Variants in FANCC observed in about 807,000 individuals in gnomAD.
FANCC encodes the protein Fanconi anemia group C protein.
In FANCC, 55 loss-of-function variants were observed where a neutral mutation model predicts 71.3. That is an observed-to-expected ratio of 0.77 (90% CI 0.62 to 0.97). The LOEUF is 0.97. Among genes scored for constraint, FANCC ranks in the 50% least tolerant of loss-of-function variants. The pLI, the probability that FANCC is intolerant of heterozygous loss-of-function variation, is 0.00. For synonymous variants in FANCC, 275 were observed against 244.9 expected, an observed-to-expected ratio of 1.12 and a Z score of -1.15; for missense variants, 678 against 670.9, an observed-to-expected ratio of 1.01 and a Z score of -0.12.
intron 1 of FANCC, among the ~76,000 whole-genome samples, chr9:95,296,806 C>T (rs574729977): frequency 6.6e-6 from 1 of 152,180 alleles, no homozygotes. Flanking sequence ...AGCGGGCTAG[C>T]TCTCATCTAC....
chr9:95,201,791 C>A (rs1284180206), intron 4 of FANCC, among the ~76,000 whole-genome samples: 1 of 152,152 alleles, frequency 6.6e-6, no homozygotes, highest in Non-Finnish European at 1.5e-5. Context: ...CTAAAACTAG[C>A]CAAGACACAG....
chr9:95,292,682 C>CA, intron 1 of FANCC: 1 of 1,328,260 alleles, frequency 7.5e-7, no homozygotes, highest in Non-Finnish European at 1.1e-6. Flanking sequence ...ATAGCACAGT[C>CA]AATCCAATAA....
At chr9:95,165,585 T>C (rs1831020473) in intron 6 of FANCC, among the ~76,000 whole-genome samples, 1 of 152,104 alleles carries the variant, frequency 6.6e-6, no homozygotes, top group Non-Finnish European at 1.5e-5. Flanking sequence ...CACATATTTG[T>C]GAATTTTCCA....
intron 6 of FANCC, among the ~76,000 whole-genome samples, chr9:95,168,504 T>A (rs1056657858): frequency 1.3e-5 from 2 of 152,232 alleles, no homozygotes; most frequent in African/African-American, 2.4e-5. Flanking sequence ...AATGAAAAAA[T>A]TCCAGAAATA....
At chr9:95,184,574 T>A (rs1345116390) in intron 4 of FANCC, among the ~76,000 whole-genome samples, 1 of 152,196 alleles carries the variant, frequency 6.6e-6, no homozygotes, top group African/African-American at 2.4e-5. Context: ...AGACCTTGGA[T>A]CTTAGCAAGA....
intron 1 of FANCC, among the ~76,000 whole-genome samples, chr9:95,298,635 G>A (rs956684010): frequency 1.3e-5 from 2 of 152,208 alleles, no homozygotes; most frequent in Admixed American, 6.5e-5. Context: ...TACCCAGGGA[G>A]AAGTAGCATG....
At chr9:95,207,854 TGAAG>T (rs1828230178) in intron 4 of FANCC, among the ~76,000 whole-genome samples, 1 of 152,164 alleles carries the variant, frequency 6.6e-6, no homozygotes, top group African/African-American at 2.4e-5. Context: ...GGAAGAGGAA[TGAAG>T]GGTGAGTGTG....
chr9:95,252,692 C>G, intron 1 of FANCC, among the ~76,000 whole-genome samples: 1 of 149,214 alleles, frequency 6.7e-6, no homozygotes, highest in Non-Finnish European at 1.5e-5. Context: ...TGTAAGTGAG[C>G]CGAGATCACT....
chr9:95,263,847 C>T (rs1832222731), intron 1 of FANCC, among the ~76,000 whole-genome samples: 2 of 152,100 alleles, frequency 1.3e-5, no homozygotes, highest in Non-Finnish European at 2.9e-5. Context: ...TACTTTTGCT[C>T]GCCTATCAAA....
intron 6 of FANCC, among the ~76,000 whole-genome samples, chr9:95,159,480 C>T: frequency 6.6e-6 from 1 of 152,164 alleles, no homozygotes; most frequent in East Asian, 1.9e-4. Flanking sequence ...GTGAATAGTG[C>T]CGCAATAAAC....
At chr9:95,193,809 G>A (rs906795159) in intron 4 of FANCC, among the ~76,000 whole-genome samples, 3 of 152,200 alleles carry the variant, frequency 2.0e-5, no homozygotes, top group Admixed American at 6.5e-5. Flanking sequence ...ACGGGATTTG[G>A]TGCTCACTGG....
At chr9:95,262,875 C>T (rs1208467485) in intron 1 of FANCC, among the ~76,000 whole-genome samples, 1 of 152,178 alleles carries the variant, frequency 6.6e-6, no homozygotes, top group Non-Finnish European at 1.5e-5. Flanking sequence ...GACAGATATT[C>T]TTTGATTCCA....
chr9:95,133,329 G>A (rs1444930093), intron 8 of FANCC, among the ~76,000 whole-genome samples: 1 of 152,226 alleles, frequency 6.6e-6, no homozygotes, highest in Non-Finnish European at 1.5e-5. Context: ...GTCACATCCT[G>A]CCAATGCCAC....
chr9:95,134,148 C>T (rs1402122905), intron 8 of FANCC, among the ~76,000 whole-genome samples: 1 of 152,118 alleles, frequency 6.6e-6, no homozygotes, highest in East Asian at 1.9e-4. Context: ...TGCACATCGC[C>T]CTGGGAGGCC....
chr9:95,186,790 ATT>A (rs10671582), intron 4 of FANCC, among the ~76,000 whole-genome samples: 14 of 134,938 alleles, frequency 1.0e-4, no homozygotes, highest in Admixed American at 1.5e-4. Context: ...GGACTGTTGG[ATT>A]TTTTTTTTTT....
At chr9:95,249,405 AG>A in intron 1 of FANCC, 36 bp from the exon 2 acceptor site, 3 of 1,113,608 alleles carry the variant, frequency 2.7e-6, no homozygotes, top group Non-Finnish European at 4.0e-6. Flanking sequence ...CATTTCTAAA[AG>A]GCTCTTTTAT....
chr9:95,125,686 T>C (rs1192941404), intron 9 of FANCC, among the ~76,000 whole-genome samples: 1 of 152,218 alleles, frequency 6.6e-6, no homozygotes, highest in Non-Finnish European at 1.5e-5. Flanking sequence ...AACTCTCAAA[T>C]TTTGCTAGCT....
At chr9:95,217,353 T>C (rs945418800) in intron 4 of FANCC, among the ~76,000 whole-genome samples, 1 of 151,538 alleles carries the variant, frequency 6.6e-6, no homozygotes, top group African/African-American at 2.4e-5. Flanking sequence ...GGTGTGGTGG[T>C]GGGCGCCTGT....
chr9:95,248,486 TTTGA>T (rs979890297), intron 2 of FANCC, among the ~76,000 whole-genome samples: 4 of 152,196 alleles, frequency 2.6e-5, no homozygotes, highest in South Asian at 2.1e-4. Flanking sequence ...CTATTTACTC[TTTGA>T]TTAAGGGAAG....
Sources: allele counts gnomAD v4.1 joint callset (sites outside exome capture counted in the v4.1 genomes callset), GRCh38; gene constraint gnomAD v4.1.1; transcripts MANE v1.5; gene names NCBI Gene and HGNC (gene_info 2026-07-23, HGNC 2026-07-21).